LAMC1: variants seen among roughly 807,000 people sequenced by gnomAD.
LAMC1 encodes the protein laminin subunit gamma 1, also known as laminin subunit gamma-1.
LAMC1 carries 38 observed loss-of-function variants against 173.6 expected under a neutral mutation model. The ratio of observed to expected loss-of-function variants is 0.22; its 90% confidence interval spans 0.17 to 0.29. The LOEUF (loss-of-function observed/expected upper bound fraction) is 0.29. Among genes scored for constraint, LAMC1 ranks in the 10% least tolerant of loss-of-function variants. The probability of loss-of-function intolerance (pLI) is 1.00; values close to 1 mark genes in which losing one functional copy is unlikely to be tolerated. For synonymous variants in LAMC1, 746 were observed against 749.1 expected (o/e 1.00, Z 0.07); for missense variants, 1,824 against 2,051.8 (o/e 0.89, Z 2.14).
At chr1:183,126,853 A>G (rs1053708005) in intron 16 of LAMC1, among the ~76,000 whole-genome samples, 7 of 152,250 alleles carry the variant, frequency 4.6e-5, no homozygotes, top group African/African-American at 1.4e-4. Context: ...AGATAATGCA[A>G]AAGAAGCATT....
Position 183,136,444 on chromosome 1 carries a change from T to G in LAMC1, c.4173T>G (p.Ile1391Met), listed in dbSNP as rs749475916. ...CCGCAGAGGAGGCACTAAGGAAGAT[T>G]CCTGCCATCAACCAGACCATCACTG... ...KTAAEEALRK[I>M]PAINQTITEA... The change falls in exon 25 of 28, where the codon ATT becomes ATG. Residue 1391 changes from isoleucine (I) to methionine (M), a missense_variant. Transcript: ENST00000258341. The G allele has an allele frequency of 1.1e-5, 17 of 1,614,060 alleles. No individual in the cohort carries two copies. Among genetic ancestry groups the G allele is most frequent in the East Asian group, 2.2e-5 (1 of 44,886 alleles).
chr1:183,116,708 T>G (rs1224288949), intron 7 of LAMC1, 33 bp downstream of exon 7: 4 of 1,609,588 alleles, frequency 2.5e-6, no homozygotes, highest in Admixed American at 1.7e-5. Flanking sequence ...GCATTGTGTT[T>G]TCTGTTACCA....
chr1:183,128,768 G>C lies in LAMC1; in HGVS notation c.3280+18G>C, dbSNP rs1156816143. 5 of 1,578,550 alleles carry C rather than the reference G, an allele frequency of 3.2e-6. No homozygotes were observed. The highest frequency in any genetic ancestry group is 1.3e-5 in the African/African-American group (1 of 74,566). On this transcript the variant is annotated intron_variant, in intron 18 of 27. Coordinates refer to ENST00000258341, the MANE Select transcript of LAMC1 (RefSeq NM_002293.4). Reference sequence around the variant, plus strand: ...TGTCAAAGGTACGCATGATTGAACAGTGCATGACTTCTGTGAGATGGACCA... The same window carrying C: ...TGTCAAAGGTACGCATGATTGAACACTGCATGACTTCTGTGAGATGGACCA...
intron 18 of LAMC1, 41 bp from the exon 19 acceptor site, chr1:183,130,303 C>T (rs1656746133): frequency 2.0e-6 from 3 of 1,520,716 alleles, no homozygotes; most frequent in Non-Finnish European, 2.7e-6. Context: ...ATATGATCCT[C>T]TTCAGATAAT....
chr1:183,055,968 T>C (rs1020581850), intron 1 of LAMC1, among the ~76,000 whole-genome samples: 2 of 152,238 alleles, frequency 1.3e-5, no homozygotes, highest in African/African-American at 4.8e-5. Flanking sequence ...ATAGAGTTAC[T>C]GTTGGATTAA....
At chr1:183,044,356 C>T (rs1249216250) in intron 1 of LAMC1, among the ~76,000 whole-genome samples, 2 of 152,036 alleles carry the variant, frequency 1.3e-5, no homozygotes, top group African/African-American at 4.8e-5. Flanking sequence ...CTGTATCACT[C>T]ATTGGTCACT....
intron 20 of LAMC1, among the ~76,000 whole-genome samples, chr1:183,131,749 G>A (rs10737245): frequency 0.52 from 78,730 of 151,918 alleles, 21,090 homozygotes; most frequent in South Asian, 0.65. Flanking sequence ...TTTTAACTAG[G>A]TAAATGATTT....
intron 1 of LAMC1, among the ~76,000 whole-genome samples, chr1:183,094,052 AGTGATCTAC>A (rs1655632987): frequency 6.6e-6 from 1 of 152,172 alleles, no homozygotes; most frequent in African/African-American, 2.4e-5. Context: ...CAAGTCTTAC[AGTGATCTAC>A]AGAGCCCTCC....
rs1361053196 is a variant in LAMC1 at position 183,116,634 on chromosome 1, A to G, written c.1386A>G (p.Arg462=). The part of the protein sequence containing the change: ...SIDECNIETG[R]CVCKDNVEGF... The stretch of plus-strand genomic sequence containing the variant: ...ATGAATGTAATATTGAAACAGGAAG[A>G]TGTGTTTGCAAAGACAATGTCGAAG... Residue 462 remains arginine (R), a synonymous_variant, in exon 7 of 28, where the codon AGA becomes AGG. Transcript: ENST00000258341. The G allele has an allele frequency of 6.2e-7, 1 of 1,613,574 alleles. No individual in the cohort carries two copies. Among genetic ancestry groups the G allele is most frequent in the African/African-American group, 1.3e-5 (1 of 75,052 alleles).
chr1:183,119,345 A>G (rs976118786), intron 11 of LAMC1, among the ~76,000 whole-genome samples: 1 of 152,228 alleles, frequency 6.6e-6, no homozygotes, highest in African/African-American at 2.4e-5. Flanking sequence ...GCCTGCATGA[A>G]TATCCAGATA....
chr1:183,103,376 G>A lies in LAMC1; in HGVS notation c.467G>A (p.Arg156His), dbSNP rs369910253. The A allele has an allele frequency of 4.3e-6, 7 of 1,614,004 alleles. No homozygotes were observed. Among genetic ancestry groups the A allele is most frequent in the Admixed American group, 1.7e-5 (1 of 59,990 alleles). ...TYVRLKFHTS[R>H]PESFAIYKRT... Reference sequence around the variant, plus strand: ...GTGCGTCTCAAGTTCCACACCAGCCGCCCGGAGAGCTTTGCCATTTACAAG... The same window carrying A: ...GTGCGTCTCAAGTTCCACACCAGCCACCCGGAGAGCTTTGCCATTTACAAG... Residue 156 changes from arginine to histidine, a missense_variant, in exon 2 of 28, where the codon CGC becomes CAC. Physicochemically the swap from Arg to His is conservative, Grantham distance 29. Coordinates refer to ENST00000258341, the MANE Select transcript of LAMC1 (RefSeq NM_002293.4).
intron 1 of LAMC1, among the ~76,000 whole-genome samples, chr1:183,078,422 A>G (rs1046990506): frequency 3.3e-5 from 5 of 151,972 alleles, no homozygotes; most frequent in African/African-American, 1.2e-4. Context: ...TCTACTAAAA[A>G]TACAAAAAAA....
chr1:183,140,346 G>T, intron 26 of LAMC1, 58 bp from the exon 27 acceptor site: 2 of 972,942 alleles, frequency 2.1e-6, no homozygotes, highest in Non-Finnish European at 2.9e-6. Flanking sequence ...TGGGAAAAAA[G>T]ATTTAAAGAA....
chr1:183,101,243 A>G (rs565732622), intron 1 of LAMC1, among the ~76,000 whole-genome samples: 30 of 152,070 alleles, frequency 2.0e-4, no homozygotes, highest in South Asian at 1.2e-3. Context: ...GAGTAAAATT[A>G]CATTGTTTAA....
At chr1:183,094,379 C>T (rs766343832) in intron 1 of LAMC1, among the ~76,000 whole-genome samples, 1 of 152,236 alleles carries the variant, frequency 6.6e-6, no homozygotes, top group East Asian at 1.9e-4. Flanking sequence ...TCTATTCCCA[C>T]TTCGTTTTTC....
chr1:183,083,956 A>G (rs1312523257), intron 1 of LAMC1, among the ~76,000 whole-genome samples: 1 of 152,254 alleles, frequency 6.6e-6, no homozygotes, highest in Non-Finnish European at 1.5e-5. Context: ...ATCTCAAGCC[A>G]TGCATACTGA....
chr1:183,053,877 C>T (rs530827762), intron 1 of LAMC1, among the ~76,000 whole-genome samples: 3 of 152,254 alleles, frequency 2.0e-5, no homozygotes, highest in East Asian at 1.9e-4. Flanking sequence ...CCACCCGCCT[C>T]GGCCTCCCAA....
Position 183,116,748 on chromosome 1 carries a change from G to T in LAMC1, c.1428-19G>T. On this transcript the variant is annotated intron_variant, in intron 7 of 27. Coordinates refer to ENST00000258341, the MANE Select transcript of LAMC1 (RefSeq NM_002293.4). ...TCAAGTAAAAAAAAAGTAACTGATT[G>T]TGTCTTAATCTTTTTCAGATGCAAA... 2 of 1,613,102 alleles carry T rather than the reference G, an allele frequency of 1.2e-6. No individual in the cohort carries two copies. Among genetic ancestry groups the T allele is most frequent in the Middle Eastern group, 1.7e-4 (1 of 6,060 alleles).
chr1:183,106,428 A>G (rs1655980382), intron 2 of LAMC1, among the ~76,000 whole-genome samples: 1 of 152,166 alleles, frequency 6.6e-6, no homozygotes, highest in South Asian at 2.1e-4. Context: ...TTATACTTGA[A>G]GGCTTTGTGG....
Sources: allele counts gnomAD v4.1 joint callset (sites outside exome capture counted in the v4.1 genomes callset), GRCh38; gene constraint gnomAD v4.1.1; transcripts MANE v1.5; gene names NCBI Gene and HGNC (gene_info 2026-07-23, HGNC 2026-07-21).